The following SNX29 variants were observed in gnomAD, a reference collection of about 807,000 sequenced individuals.
SNX29 encodes sorting nexin-29.
A neutral mutation model predicts 102.1 loss-of-function variants in SNX29; 78 were observed. The observed-to-expected ratio is 0.76, with a 90% CI of 0.64 to 0.92. The LOEUF (loss-of-function observed/expected upper bound fraction) is 0.92. Ranked by LOEUF, SNX29 falls within the 40% of genes least tolerant of loss-of-function variation. The pLI is 0.00. For missense variants in SNX29, 1,280 were observed against 1,061.7 expected (o/e 1.21, Z -2.86); for synonymous variants, 580 against 414.5 (o/e 1.40, Z -4.85).
chr16:12,349,469 A>C (rs1281042425), intron 15 of SNX29, among the ~76,000 whole-genome samples: 1 of 152,250 alleles, frequency 6.6e-6, no homozygotes, highest in Non-Finnish European at 1.5e-5. Context: ...CCCAAATCCC[A>C]AAATCCCAAA....
intron 15 of SNX29, among the ~76,000 whole-genome samples, chr16:12,355,528 G>A (rs1284084228): frequency 6.6e-6 from 1 of 152,160 alleles, no homozygotes; most frequent in Non-Finnish European, 1.5e-5. Context: ...TCTTAAAGAT[G>A]CTTGCAGGAT....
chr16:12,356,632 A>G (rs1030007879), intron 16 of SNX29, among the ~76,000 whole-genome samples: 1 of 152,246 alleles, frequency 6.6e-6, no homozygotes, highest in Admixed American at 6.5e-5. Flanking sequence ...CCTACATGGT[A>G]TTACTGTTGT....
chr16:11,987,403 CTTTT>C (rs34572926), intron 1 of SNX29, among the ~76,000 whole-genome samples: 3 of 107,282 alleles, frequency 2.8e-5, no homozygotes, highest in Admixed American at 9.7e-5. Flanking sequence ...GACTTTTACT[CTTTT>C]TTTTTTTTTT....
chr16:12,140,415 C>G (rs1391639092), intron 13 of SNX29, among the ~76,000 whole-genome samples: 3 of 152,192 alleles, frequency 2.0e-5, no homozygotes, highest in Non-Finnish European at 2.9e-5. Context: ...GGTCCCATTC[C>G]CCCTGGAGCT....
intron 13 of SNX29, among the ~76,000 whole-genome samples, chr16:12,155,976 C>G (rs2055531149): frequency 1.3e-5 from 2 of 152,228 alleles, no homozygotes; most frequent in African/African-American, 2.4e-5. Flanking sequence ...TGATGCAGTG[C>G]TCCCATCATC....
intron 14 of SNX29, among the ~76,000 whole-genome samples, chr16:12,223,525 G>T (rs557217228): frequency 4.6e-5 from 7 of 152,270 alleles, no homozygotes; most frequent in African/African-American, 1.4e-4. Flanking sequence ...AGCAGGGCGT[G>T]GGGGCATGTG....
At chr16:12,370,155 G>A (rs1257398712) in intron 16 of SNX29, among the ~76,000 whole-genome samples, 1 of 152,166 alleles carries the variant, frequency 6.6e-6, no homozygotes, top group African/African-American at 2.4e-5. Flanking sequence ...CCGGGAGGTG[G>A]AGACTGCAGT....
chr16:12,293,026 A>T (rs1285858715), intron 15 of SNX29, among the ~76,000 whole-genome samples: 1 of 152,250 alleles, frequency 6.6e-6, no homozygotes, highest in African/African-American at 2.4e-5. Context: ...ATTTAAATCT[A>T]AATTAATATA....
intron 14 of SNX29, among the ~76,000 whole-genome samples, chr16:12,230,360 G>A (rs1329478932): frequency 3.3e-5 from 5 of 152,238 alleles, no homozygotes; most frequent in Non-Finnish European, 7.4e-5. Flanking sequence ...AGACAATCAC[G>A]TTCTCTTCAT....
intron 1 of SNX29, among the ~76,000 whole-genome samples, chr16:11,992,743 G>A (rs1393643532): frequency 6.6e-6 from 1 of 152,198 alleles, no homozygotes; most frequent in African/African-American, 2.4e-5. Flanking sequence ...CACTCAAAGA[G>A]CATTGCCTTC....
At chr16:12,461,978 AATATATATATATAT>A (rs71139595) in intron 18 of SNX29, among the ~76,000 whole-genome samples, 2 of 27,352 alleles carry the variant, frequency 7.3e-5, no homozygotes, top group Non-Finnish European at 1.3e-4. Flanking sequence ...AAAAAAAAAA[AATATATATATATAT>A]ATATATATAT....
At chr16:12,300,193 G>A (rs991644135) in intron 15 of SNX29, among the ~76,000 whole-genome samples, 2 of 152,190 alleles carry the variant, frequency 1.3e-5, no homozygotes, top group African/African-American at 2.4e-5. Flanking sequence ...AATTTCTTAT[G>A]AGGTTTTGCT....
rs1288605536 is a variant in SNX29 at position 12,572,287 on chromosome 16, G to A, written c.*3658G>A. Reference sequence around the variant, plus strand: ...GTAGCTGATGCAACTAACAAGTACTGGGGCCAGTGATCACAATCCAGGTTG... The same window carrying A: ...GTAGCTGATGCAACTAACAAGTACTAGGGCCAGTGATCACAATCCAGGTTG... On this transcript the variant is annotated 3_prime_UTR_variant, in exon 21 of 21. Transcript: ENST00000566228. 8 of 1,028,762 alleles carry A rather than the reference G, an allele frequency of 7.8e-6. No homozygotes were observed. The highest frequency in any genetic ancestry group is 2.0e-5 in the African/African-American group (1 of 49,408). 63.7% of individuals were successfully genotyped at this position (1,028,762 alleles called of 1,614,324 possible).
chr16:12,532,990 T>C (rs1053509384), intron 20 of SNX29, among the ~76,000 whole-genome samples: 1 of 152,160 alleles, frequency 6.6e-6, no homozygotes, highest in East Asian at 1.9e-4. Context: ...TGTGGTGGCA[T>C]CCCTGAGCCC....
intron 18 of SNX29, among the ~76,000 whole-genome samples, chr16:12,465,764 A>C (rs1185770213): frequency 6.6e-6 from 1 of 151,510 alleles, no homozygotes; most frequent in African/African-American, 2.4e-5. Context: ...TAGAGATTAC[A>C]TTATGTAGTA....
chr16:12,329,490 C>G (rs898614205), intron 15 of SNX29, among the ~76,000 whole-genome samples: 20 of 152,186 alleles, frequency 1.3e-4, no homozygotes, highest in African/African-American at 4.8e-4. Context: ...CAGGACTGAC[C>G]AGTGTTGTCT....
intron 14 of SNX29, among the ~76,000 whole-genome samples, chr16:12,241,208 T>G (rs2078093997): frequency 6.6e-6 from 1 of 152,174 alleles, no homozygotes; most frequent in South Asian, 2.1e-4. Flanking sequence ...AGAGGAGTAA[T>G]GAGTATTGAG....
chr16:12,410,475 C>G (rs1329364974), intron 18 of SNX29, among the ~76,000 whole-genome samples: 1 of 152,152 alleles, frequency 6.6e-6, no homozygotes, highest in East Asian at 1.9e-4. Flanking sequence ...GAGACAGGGT[C>G]TCGCTTTGTC....
intron 13 of SNX29, among the ~76,000 whole-genome samples, chr16:12,172,976 G>A (rs759201216): frequency 1.8e-4 from 28 of 152,196 alleles, no homozygotes; most frequent in Non-Finnish European, 3.8e-4. Context: ...CATTTAAAAC[G>A]TTTATTTGGG....
Sources: gnomAD v4.1 joint callset for allele counts (sites outside exome capture counted in the v4.1 genomes callset) on GRCh38, gnomAD v4.1.1 for gene constraint, MANE v1.5 for transcripts, NCBI Gene and HGNC (gene_info 2026-07-23, HGNC 2026-07-21) for gene names.